ANKRD27: variants seen among roughly 807,000 people sequenced by gnomAD.
ANKRD27 encodes the protein ankyrin repeat domain-containing protein 27.
Under a neutral mutation model 129.7 loss-of-function variants are expected in ANKRD27, and 112 were observed. The observed-to-expected ratio is 0.86, with a 90% CI of 0.74 to 1.01. The LOEUF (loss-of-function observed/expected upper bound fraction) is 1.01, where lower values mean the gene tolerates loss of function less well. ANKRD27 is among the 50% of genes least tolerant of loss of function. ANKRD27 has a pLI of 0.00. For missense variants in ANKRD27, 1,258 were observed against 1,300.5 expected (o/e 0.97, Z 0.50); for synonymous variants, 516 against 511.2 (o/e 1.01, Z -0.13).
chr19:32,664,964 T>TTC (rs59498550), intron 1 of ANKRD27, among the ~76,000 whole-genome samples: 102,233 of 146,428 alleles, frequency 0.7, 35,805 homozygotes, highest in African/African-American at 0.72. Context: ...ATATTTTACA[T>TTC]TTTTTTATTC....
intron 3 of ANKRD27, 26 bp from the exon 4 acceptor site, chr19:32,646,641 A>G (rs1226260024): frequency 6.2e-7 from 1 of 1,606,174 alleles, no homozygotes. Flanking sequence ...CCATCACTGC[A>G]CCAGCAGCCG....
At chr19:32,648,097 C>A (rs1439832212) in intron 3 of ANKRD27, among the ~76,000 whole-genome samples, 2 of 152,098 alleles carry the variant, frequency 1.3e-5, no homozygotes, top group East Asian at 3.9e-4. Flanking sequence ...GAAACCCCGT[C>A]TCTATTAAAA....
chr19:32,670,370 C>T (rs1303241540), intron 1 of ANKRD27, among the ~76,000 whole-genome samples: 5 of 152,226 alleles, frequency 3.3e-5, no homozygotes, highest in Non-Finnish European at 7.3e-5. Flanking sequence ...CTCTGTCCGA[C>T]ACTGTTCTCA....
At position 32,626,734 on chromosome 19, in the gene ANKRD27, T is replaced by C; in HGVS notation, c.1514A>G (p.Gln505Arg). ...CACCGTCACGCTCTGGTAGCCCTTCTGACAGGCCAGGTGGAGCGGAGTGGC... is the reference window on the plus strand; with the variant it reads ...CACCGTCACGCTCTGGTAGCCCTTCCGACAGGCCAGGTGGAGCGGAGTGGC... ...HGATPLHLAC[Q>R]KGYQSVTLLL... is the part of the protein sequence containing the mutation. Residue 505 changes from glutamine (Q) to arginine (R), a missense_variant, in exon 16 of 29, where the codon CAG becomes CGG. By Grantham distance (43) the Gln-to-Arg change is conservative. Transcript: ENST00000306065. The C allele has an allele frequency of 2.5e-6, 4 of 1,609,638 alleles. No individual in the cohort carries two copies. The South Asian group carries it at 4.4e-5, about 18-fold the overall frequency.
intron 12 of ANKRD27, chr19:32,639,093 CAT>C (rs764804502): frequency 1.1e-4 from 50 of 464,372 alleles, no homozygotes; most frequent in Non-Finnish European, 1.8e-4. Flanking sequence ...TTTGCACCCA[CAT>C]GTCTTTGGAG....
At chr19:32,599,611 G>A in intron 28 of ANKRD27, 93 bp downstream of exon 28, 1 of 1,131,930 alleles carries the variant, frequency 8.8e-7, no homozygotes, top group Non-Finnish European at 1.3e-6. Flanking sequence ...GAATAATGAA[G>A]ATGACGATCA....
intron 2 of ANKRD27, among the ~76,000 whole-genome samples, chr19:32,656,195 T>C (rs927721742): frequency 1.3e-5 from 2 of 152,040 alleles, no homozygotes; most frequent in Non-Finnish European, 2.9e-5. Flanking sequence ...CTGAGCAAGA[T>C]AGAGCTTCCC....
intron 20 of ANKRD27, among the ~76,000 whole-genome samples, chr19:32,618,621 T>C (rs984172659): frequency 2.6e-5 from 4 of 152,136 alleles, no homozygotes; most frequent in Non-Finnish European, 5.9e-5. Context: ...TAAGCTCACT[T>C]GGTCCTCCAA....
At chr19:32,625,835 G>A (rs1355150287) in intron 17 of ANKRD27, 39 bp downstream of exon 17, 1 of 1,468,110 alleles carries the variant, frequency 6.8e-7, no homozygotes, top group Non-Finnish European at 9.1e-7. Context: ...AGTGGGAAAG[G>A]GTGAACGCAG....
At chr19:32,612,877 G>C (rs1971854749) in intron 22 of ANKRD27, among the ~76,000 whole-genome samples, 1 of 152,082 alleles carries the variant, frequency 6.6e-6, no homozygotes, top group Non-Finnish European at 1.5e-5. Flanking sequence ...TGGAAATCTA[G>C]AGCAAGGCAA....
At chr19:32,627,384 TTA>T (rs1467651342) in intron 15 of ANKRD27, among the ~76,000 whole-genome samples, 16 of 76,970 alleles carry the variant, frequency 2.1e-4, no homozygotes, top group Non-Finnish European at 5.6e-4. Flanking sequence ...ATTTATTTAT[TTA>T]TTTATTTATT....
chr19:32,626,614 C>G, intron 16 of ANKRD27, 98 bp downstream of exon 16: 3 of 812,624 alleles, frequency 3.7e-6, no homozygotes, highest in Non-Finnish European at 5.5e-6. Context: ...CACCAGGAGA[C>G]AGGGGTGCAG....
chr19:32,630,351 G>A (rs1966971307), intron 13 of ANKRD27, among the ~76,000 whole-genome samples: 1 of 152,216 alleles, frequency 6.6e-6, no homozygotes, highest in Non-Finnish European at 1.5e-5. Context: ...CACCTCAGCG[G>A]CCTGCCTGTG....
In ANKRD27 at chr19:32,616,569, G is replaced by C. The variant is rs554650926; in HGVS notation, c.2053-789C>G. On this transcript the variant is annotated intron_variant, in intron 21 of 28. Transcript: ENST00000306065. ...GTCTCAAAAAAAAAAAAAAAAAAAAGTGGAAGACACAGTCCTTTCAAAGGG... is the reference window on the plus strand; with the variant it reads ...GTCTCAAAAAAAAAAAAAAAAAAAACTGGAAGACACAGTCCTTTCAAAGGG... Among the ~76,000 whole-genome samples, 12 of 119,066 alleles carry C rather than the reference G, an allele frequency of 1.0e-4. No homozygotes were observed. The South Asian group carries it at 3.1e-3, about 30-fold the overall frequency. The allele number at this position is 119,066 out of a possible 152,430, so 78.1% of individuals were successfully genotyped here. A position where few individuals can be genotyped will look rare whatever the true frequency, so the allele number is the denominator to read the frequency against.
chr19:32,656,481 A>G (rs1184271346), intron 2 of ANKRD27, among the ~76,000 whole-genome samples: 1 of 152,122 alleles, frequency 6.6e-6, no homozygotes. Context: ...TTTAAGCTCC[A>G]TGAGGGTAAA....
intron 2 of ANKRD27, 57 bp downstream of exon 2, chr19:32,658,857 A>T: frequency 7.3e-7 from 1 of 1,372,604 alleles, no homozygotes; most frequent in Non-Finnish European, 1.0e-6. Context: ...GCCTTAGTCT[A>T]CCACGTCTCT....
intron 11 of ANKRD27, 94 bp downstream of exon 11, chr19:32,640,213 T>G (rs58827552): frequency 1.1e-6 from 1 of 925,008 alleles, no homozygotes; most frequent in Admixed American, 1.8e-5. Flanking sequence ...TCCGCCCGCC[T>G]TGGCCTCCCA....
intron 1 of ANKRD27, among the ~76,000 whole-genome samples, chr19:32,663,823 G>A (rs528722306): frequency 1.6e-4 from 24 of 152,074 alleles, no homozygotes; most frequent in African/African-American, 2.2e-4. Context: ...TTGGGAGGCC[G>A]AGGCGGGCGG....
At chr19:32,617,757 T>C (rs34013687) in intron 20 of ANKRD27, 124 bp from the exon 21 acceptor site, 154,583 of 358,990 alleles carry the variant, frequency 0.43, 25,297 homozygotes, top group African/African-American at 0.53. Context: ...GATTTAGTTT[T>C]TTTTTTTTTT....
Sources: allele counts gnomAD v4.1 joint callset (sites outside exome capture counted in the v4.1 genomes callset), GRCh38; gene constraint gnomAD v4.1.1; transcripts MANE v1.5; gene names NCBI Gene and HGNC (gene_info 2026-07-23, HGNC 2026-07-21).